The following COL11A1 variants were observed in gnomAD, a reference collection of about 807,000 sequenced individuals.
The protein encoded by COL11A1 is collagen alpha-1(XI) chain.
A neutral mutation model predicts 265.2 loss-of-function variants in COL11A1; 74 were observed. That is an observed-to-expected ratio of 0.28 (90% confidence interval 0.23 to 0.34). The LOEUF (loss-of-function observed/expected upper bound fraction) is 0.34, where lower values mean the gene tolerates loss of function less well. Ranked by LOEUF, COL11A1 falls within the 10% of genes least tolerant of loss-of-function variation. The probability of loss-of-function intolerance (pLI) is 1.00; values close to 1 mark genes in which losing one functional copy is unlikely to be tolerated. For missense variants in COL11A1, 2,165 were observed against 2,263.6 expected, an observed-to-expected ratio of 0.96 and a Z score of 0.88; for synonymous variants, 816 against 727.6, an observed-to-expected ratio of 1.12 and a Z score of -1.96.
intron 41 of COL11A1, among the ~76,000 whole-genome samples, chr1:102,950,280 C>A (rs1408322353): frequency 2.0e-5 from 3 of 152,004 alleles, no homozygotes; most frequent in African/African-American, 7.3e-5. Context: ...AGGACTCTGT[C>A]TCGAAAGAAA....
At chr1:102,971,501 A>T (rs919041413) in intron 36 of COL11A1, among the ~76,000 whole-genome samples, 2 of 152,184 alleles carry the variant, frequency 1.3e-5, no homozygotes, top group African/African-American at 4.8e-5. Context: ...ATAATATTTT[A>T]AATTATAACA....
At chr1:102,918,096 G>A (rs924434579) in intron 49 of COL11A1, among the ~76,000 whole-genome samples, 4 of 151,320 alleles carry the variant, frequency 2.6e-5, no homozygotes, top group African/African-American at 9.7e-5. Flanking sequence ...ATACCAAAAT[G>A]CTACAAACTA....
intron 14 of COL11A1, among the ~76,000 whole-genome samples, chr1:103,010,194 A>T (rs1571023343): frequency 6.6e-6 from 1 of 152,198 alleles, no homozygotes; most frequent in Non-Finnish European, 1.5e-5. Context: ...AATAATTTTC[A>T]TAGGAAAAAT....
chr1:102,917,072 G>T (rs114281325), intron 49 of COL11A1, among the ~76,000 whole-genome samples: 4,908 of 151,466 alleles, frequency 0.032, 106 homozygotes, highest in Middle Eastern at 0.086. Flanking sequence ...AAAATTCACA[G>T]GAAACCAAAA....
intron 8 of COL11A1, 112 bp downstream of exon 8, chr1:103,022,630 A>T: frequency 7.8e-7 from 1 of 1,280,502 alleles, no homozygotes; most frequent in Non-Finnish European, 1.1e-6. Context: ...TTCATAATTT[A>T]CATAAAAATT....
At chr1:102,923,308 C>A in intron 47 of COL11A1, 28 bp downstream of exon 47, 2 of 1,581,498 alleles carry the variant, frequency 1.3e-6, no homozygotes, top group Non-Finnish European at 1.7e-6. Flanking sequence ...TAACACATAC[C>A]CATCAAACAC....
chr1:103,103,067 A>G (rs1674410527), intron 1 of COL11A1, among the ~76,000 whole-genome samples: 1 of 152,056 alleles, frequency 6.6e-6, no homozygotes, highest in Non-Finnish European at 1.5e-5. Context: ...GCTAACAGAT[A>G]CTTATGTAAT....
At chr1:102,923,990 C>T (rs1158818665) in intron 46 of COL11A1, among the ~76,000 whole-genome samples, 2 of 149,022 alleles carry the variant, frequency 1.3e-5, no homozygotes, top group African/African-American at 5.0e-5. Flanking sequence ...GGGCGGATCA[C>T]GAGGTCAGGA....
chr1:103,061,004 G>A (rs1670634841), intron 4 of COL11A1, among the ~76,000 whole-genome samples: 1 of 151,964 alleles, frequency 6.6e-6, no homozygotes, highest in Non-Finnish European at 1.5e-5. Context: ...ATTACATGTT[G>A]TCTACAAGAG....
intron 47 of COL11A1, among the ~76,000 whole-genome samples, chr1:102,922,590 G>C (rs998685829): frequency 5.3e-5 from 8 of 152,046 alleles, no homozygotes; most frequent in African/African-American, 1.9e-4. Flanking sequence ...TAGTAGAGAC[G>C]GGGTTTCACC....
chr1:102,940,491 G>C (rs920757742), intron 42 of COL11A1, 57 bp from the exon 43 acceptor site: 1 of 1,231,632 alleles, frequency 8.1e-7, no homozygotes, highest in East Asian at 2.4e-5. Flanking sequence ...AGCTACAAGA[G>C]TAATAATCTA....
chr1:102,879,627 C>G, intron 66 of COL11A1, 56 bp downstream of exon 66: 2 of 1,503,620 alleles, frequency 1.3e-6, no homozygotes, highest in Non-Finnish European at 1.8e-6. Context: ...CCGACTGAAA[C>G]GGTGACATGC....
At chr1:103,019,926 T>G (rs1372169993) in intron 9 of COL11A1, among the ~76,000 whole-genome samples, 1 of 148,992 alleles carries the variant, frequency 6.7e-6, no homozygotes, top group Admixed American at 6.7e-5. Context: ...ACTCATCATT[T>G]TTTATGGCTG....
chr1:103,076,098 T>A (rs919441431), intron 3 of COL11A1, among the ~76,000 whole-genome samples: 8 of 152,146 alleles, frequency 5.3e-5, no homozygotes, highest in Non-Finnish European at 1.2e-4. Flanking sequence ...TTAATTAATG[T>A]AGGCTATGAT....
chr1:102,913,544 T>G, intron 53 of COL11A1, 93 bp downstream of exon 53: 1 of 1,221,166 alleles, frequency 8.2e-7, no homozygotes, highest in East Asian at 2.3e-5. Flanking sequence ...TACATAGAGC[T>G]ATGTTTTTCA....
Position 102,940,237 on chromosome 1 carries a change from G to A in COL11A1, c.3384+90C>T, listed in dbSNP as rs2126642. On this transcript the variant is annotated intron_variant, in intron 43 of 66. Coordinates refer to ENST00000370096, the MANE Select transcript of COL11A1 (RefSeq NM_001854.4). ...TGAAAAAGGTAACCTTTCACCTGGCGCCTAATCATAAAGATTAGAATTATC... is the reference window on the plus strand; with the variant it reads ...TGAAAAAGGTAACCTTTCACCTGGCACCTAATCATAAAGATTAGAATTATC... 0.22 allele frequency: 230,244 copies of A among 1,034,918 alleles called. 26,943 individuals are homozygous for A. The highest frequency in any genetic ancestry group is 0.29 in the Middle Eastern group (1,189 of 4,104). The allele number at this position is 1,034,918 out of a possible 1,614,324, so 64.1% of individuals were successfully genotyped here.
At chr1:102,921,009 A>C (rs1655929494) in intron 48 of COL11A1, among the ~76,000 whole-genome samples, 1 of 152,204 alleles carries the variant, frequency 6.6e-6, no homozygotes, top group South Asian at 2.1e-4. Context: ...ATATTTCAAA[A>C]TCTTATAACA....
intron 1 of COL11A1, among the ~76,000 whole-genome samples, chr1:103,085,502 A>G (rs1220125805): frequency 6.6e-6 from 1 of 150,544 alleles, no homozygotes; most frequent in Non-Finnish European, 1.5e-5. Flanking sequence ...TGTAATCGCC[A>G]CATAGTGGCC....
At chr1:102,973,194 G>T (rs1053541593) in intron 36 of COL11A1, among the ~76,000 whole-genome samples, 1 of 152,044 alleles carries the variant, frequency 6.6e-6, no homozygotes, top group African/African-American at 2.4e-5. Context: ...ACTTGTTAGA[G>T]AAACATAGTA....
Sources: allele counts gnomAD v4.1 joint callset (sites outside exome capture counted in the v4.1 genomes callset), GRCh38; gene constraint gnomAD v4.1.1; transcripts MANE v1.5; gene names NCBI Gene and HGNC (gene_info 2026-07-23, HGNC 2026-07-21).